The following PDE3B variants were observed in gnomAD, a reference collection of about 807,000 sequenced individuals.
PDE3B encodes cGMP-inhibited 3',5'-cyclic phosphodiesterase 3B.
Under a neutral mutation model 116.8 loss-of-function variants are expected in PDE3B, and 66 were observed. The observed-to-expected ratio is 0.56, with a 90% CI of 0.46 to 0.69. PDE3B has a LOEUF of 0.69. PDE3B is among the 30% of genes least tolerant of loss of function. The pLI is 0.00. For synonymous variants in PDE3B, 595 were observed against 533.6 expected (o/e 1.12, Z -1.59); for missense variants, 1,384 against 1,368.1 (o/e 1.01, Z -0.18).
At chr11:14,664,240 C>A (rs1435013442) in intron 1 of PDE3B, among the ~76,000 whole-genome samples, 2 of 152,182 alleles carry the variant, frequency 1.3e-5, no homozygotes, top group Admixed American at 1.3e-4. Context: ...CACAACATAT[C>A]AGAATCTCTG....
intron 12 of PDE3B, among the ~76,000 whole-genome samples, chr11:14,858,810 T>C (rs771483784): frequency 2.6e-5 from 4 of 152,200 alleles, no homozygotes; most frequent in Non-Finnish European, 4.4e-5. Context: ...TATAACCCTT[T>C]CACTTACTAG....
At position 14,645,034 on chromosome 11, in the gene PDE3B, C is replaced by G; in HGVS notation, c.959C>G (p.Pro320Arg). Residue 320 changes from proline (P) to arginine (R), a missense_variant, in exon 1 of 16, where the codon CCT (proline) becomes CGT (arginine). Physicochemically the swap from Pro to Arg is moderately radical, Grantham distance 103. Around this residue, in one of 2 missense-constraint regions of PDE3B, gnomAD observed 956 missense variants for 806.8 expected, o/e 1.18. Coordinates refer to ENST00000282096, the MANE Select transcript of PDE3B (RefSeq NM_000922.4). ...SCKIFRRPSL[P>R]CISREQMILW... The stretch of plus-strand genomic sequence containing the variant: ...AAAATATTCAGGAGACCGTCGTTGC[C>G]TTGTATTTCCAGAGAACAGGTATGT... The G allele has an allele frequency of 6.2e-7, 1 of 1,609,812 alleles. No homozygotes were observed. Among genetic ancestry groups the G allele is most frequent in the Non-Finnish European group, 8.5e-7 (1 of 1,177,922 alleles).
chr11:14,872,798 C>G (rs1848156576), downstream of PDE3B, among the ~76,000 whole-genome samples: 1 of 152,130 alleles, frequency 6.6e-6, no homozygotes, highest in African/African-American at 2.4e-5. Context: ...GTTACGCATC[C>G]CACAAATACT....
intron 1 of PDE3B, among the ~76,000 whole-genome samples, chr11:14,702,852 A>G (rs1855409527): frequency 6.6e-6 from 1 of 151,808 alleles, no homozygotes; most frequent in Non-Finnish European, 1.5e-5. Context: ...AAACTGACCT[A>G]TTTATCTACC....
intron 1 of PDE3B, among the ~76,000 whole-genome samples, chr11:14,666,876 C>T (rs1854171705): frequency 6.6e-6 from 1 of 152,286 alleles, no homozygotes; most frequent in South Asian, 2.1e-4. Context: ...GACAGTGTGG[C>T]AATTCCTCAG....
chr11:14,754,011 T>C (rs2033984837), intron 1 of PDE3B, among the ~76,000 whole-genome samples: 1 of 151,858 alleles, frequency 6.6e-6, no homozygotes, highest in African/African-American at 2.4e-5. Flanking sequence ...GTTTAGATTA[T>C]GTTAAATAAC....
intron 1 of PDE3B, among the ~76,000 whole-genome samples, chr11:14,715,724 C>G (rs1377744277): frequency 1.3e-5 from 2 of 152,180 alleles, no homozygotes; most frequent in African/African-American, 4.8e-5. Flanking sequence ...TTGACTTCCT[C>G]TTTTCCTAAT....
At position 14,806,876 on chromosome 11, in the gene PDE3B, A is replaced by G. The variant is rs977462358; in HGVS notation, c.1522+2826A>G. Among the ~76,000 whole-genome samples the G allele has an allele frequency of 3.7e-4, 56 of 151,192 alleles. No individual in the cohort carries two copies. The South Asian group carries it at 0.01, about 27-fold the overall frequency. The stretch of plus-strand genomic sequence containing the variant: ...TCCGTCTCAAAAAAAAAAAAAAAAA[A>G]AAAAGAAAAAAAAGAAAATGTGGCA... On this transcript the variant is annotated intron_variant, in intron 5 of 15. Transcript: ENST00000282096.
chr11:14,766,525 A>G (rs1037144639), intron 1 of PDE3B, among the ~76,000 whole-genome samples: 1 of 151,564 alleles, frequency 6.6e-6, no homozygotes, highest in African/African-American at 2.4e-5. Context: ...TAAATATTTT[A>G]TTTGCTCAGT....
At chr11:14,849,491 T>G (rs974702132) in intron 12 of PDE3B, among the ~76,000 whole-genome samples, 1 of 151,940 alleles carries the variant, frequency 6.6e-6, no homozygotes, top group Non-Finnish European at 1.5e-5. Context: ...ACAAATGGGA[T>G]CTAATTAAAC....
intron 5 of PDE3B, among the ~76,000 whole-genome samples, chr11:14,804,814 A>G (rs1470340843): frequency 2.0e-5 from 3 of 152,174 alleles, no homozygotes; most frequent in Non-Finnish European, 2.9e-5. Flanking sequence ...GATACTTCGA[A>G]TAGAGAACTA....
In PDE3B at chr11:14,674,354, T is replaced by C. The variant is rs1317806426; in HGVS notation, c.978+29301T>C. ...AGTTCTTATTCTTTCTGCAAATTAG[T>C]GTCCTTGTATTTGAGTACTCTGCTC... On this transcript the variant is annotated intron_variant, in intron 1 of 15. Coordinates refer to ENST00000282096, the MANE Select transcript of PDE3B (RefSeq NM_000922.4). 4 of 791,078 alleles carry C rather than the reference T, an allele frequency of 5.1e-6. No individual in the cohort carries two copies. In the African/African-American group the frequency reaches 6.9e-5, roughly 14 times the overall value. 49.0% of individuals were successfully genotyped at this position (791,078 alleles called of 1,614,324 possible). A position where few individuals can be genotyped will look rare whatever the true frequency, so the allele number is the denominator to read the frequency against.
rs760504415 is a variant in PDE3B at position 14,644,762 on chromosome 11, C to T, written c.687C>T (p.Val229=). Residue 229 remains valine (V), a synonymous_variant, in exon 1 of 16, where the codon GTC becomes GTT. Coordinates refer to ENST00000282096, the MANE Select transcript of PDE3B (RefSeq NM_000922.4). ...TGGTGCTGCTCCTGGCCAGCTTCGT[C>T]TGGTGGGTCTCCTTCACCAGCCTCG... is the stretch of plus-strand genomic sequence containing the variant. ...CVLVLLLASF[V]WWVSFTSLGS... is the part of the protein sequence containing the mutation. The T allele has an allele frequency of 5.0e-6, 8 of 1,600,670 alleles. No individual in the cohort carries two copies. The Admixed American group carries it at 1.4e-4, about 28-fold the overall frequency.
intron 1 of PDE3B, among the ~76,000 whole-genome samples, chr11:14,667,042 C>T (rs1240959332): frequency 6.6e-6 from 1 of 152,012 alleles, no homozygotes; most frequent in Non-Finnish European, 1.5e-5. Context: ...CCCAAATGTC[C>T]AACAATGATA....
chr11:14,722,339 A>C (rs1172341203), intron 1 of PDE3B, among the ~76,000 whole-genome samples: 2 of 152,200 alleles, frequency 1.3e-5, no homozygotes, highest in Non-Finnish European at 2.9e-5. Flanking sequence ...GGAAAAATCT[A>C]GGAAAGTCTA....
chr11:14,854,226 C>T (rs1408011193), intron 12 of PDE3B, among the ~76,000 whole-genome samples: 2 of 152,196 alleles, frequency 1.3e-5, no homozygotes, highest in East Asian at 3.9e-4. Context: ...ATACACACAC[C>T]TTTATGCAGA....
chr11:14,764,737 T>A (rs938540309), intron 1 of PDE3B, among the ~76,000 whole-genome samples: 9 of 151,996 alleles, frequency 5.9e-5, no homozygotes, highest in Non-Finnish European at 1.2e-4. Context: ...CAGTGTATAT[T>A]AAGTGCCTAA....
chr11:14,682,386 T>A (rs538530330), intron 1 of PDE3B, among the ~76,000 whole-genome samples: 1 of 152,224 alleles, frequency 6.6e-6, no homozygotes, highest in Non-Finnish European at 1.5e-5. Flanking sequence ...AGTACCATGA[T>A]GAATAAGAGA....
chr11:14,803,062 T>C (rs866962681), intron 4 of PDE3B, among the ~76,000 whole-genome samples: 4 of 152,188 alleles, frequency 2.6e-5, no homozygotes, highest in African/African-American at 9.6e-5. Flanking sequence ...GGAGTCTTCT[T>C]TGACATCCTT....
Sources: gnomAD v4.1 joint callset for allele counts (sites outside exome capture counted in the v4.1 genomes callset) on GRCh38, gnomAD v4.1.1 for gene constraint, gnomAD v4.1.1 regional missense constraint, MANE v1.5 for transcripts, NCBI Gene and HGNC (gene_info 2026-07-23, HGNC 2026-07-21) for gene names.